The following CFAP54 variants were observed in gnomAD, a reference collection of about 807,000 sequenced individuals.
The protein encoded by CFAP54 is cilia- and flagella-associated protein 54.
CFAP54 carries 290 observed loss-of-function variants against 370.4 expected under a neutral mutation model. The ratio of observed to expected loss-of-function variants is 0.78; its 90% CI spans 0.71 to 0.86. The LOEUF (loss-of-function observed/expected upper bound fraction) is 0.86, where lower values mean the gene tolerates loss of function less well. Ranked by LOEUF, CFAP54 falls within the 40% of genes least tolerant of loss-of-function variation. CFAP54 has a pLI of 0.00. For synonymous variants in CFAP54, 1,206 were observed against 1,236.5 expected (o/e 0.98, Z 0.52); for missense variants, 3,399 against 3,528.7 (o/e 0.96, Z 0.93).
At chr12:96,521,736 C>T in intron 6 of CFAP54, 121 bp from the exon 7 acceptor site, 2 of 656,880 alleles carry the variant, frequency 3.0e-6, no homozygotes, top group South Asian at 2.4e-5. Context: ...AAGGAGTCAG[C>T]ATTAACCTAG....
chr12:96,617,732 C>A (rs1158719799), intron 26 of CFAP54, among the ~76,000 whole-genome samples: 1 of 152,130 alleles, frequency 6.6e-6, no homozygotes, highest in Non-Finnish European at 1.5e-5. Flanking sequence ...TGGCTCACGC[C>A]TGTAATCCCA....
At chr12:96,657,776 A>T (rs1956938820) in intron 36 of CFAP54, 106 bp from the exon 37 acceptor site, 6 of 817,484 alleles carry the variant, frequency 7.3e-6, no homozygotes, top group Admixed American at 7.2e-5. Context: ...TTTTCTTTTC[A>T]GTTGAGTTCT....
intron 63 of CFAP54, among the ~76,000 whole-genome samples, chr12:96,797,819 C>T (rs1434801729): frequency 6.6e-6 from 1 of 151,892 alleles, no homozygotes; most frequent in Non-Finnish European, 1.5e-5. Context: ...AACAATATTA[C>T]CTTCTGACTG....
chr12:96,826,912 TTA>T (rs560931897), intron 65 of CFAP54, among the ~76,000 whole-genome samples: 1 of 128,912 alleles, frequency 7.8e-6, no homozygotes, highest in Admixed American at 9.3e-5. Flanking sequence ...ATATATGCAA[TTA>T]TATATGATTA....
intron 14 of CFAP54, among the ~76,000 whole-genome samples, chr12:96,546,253 C>T (rs1340088767): frequency 3.3e-5 from 5 of 152,116 alleles, no homozygotes; most frequent in African/African-American, 1.2e-4. Context: ...AGCTGGTGTC[C>T]ACCGCAGAAT....
chr12:96,544,792 C>T (rs1278441356), intron 14 of CFAP54, among the ~76,000 whole-genome samples: 1 of 152,092 alleles, frequency 6.6e-6, no homozygotes, highest in African/African-American at 2.4e-5. Flanking sequence ...AGTGCAAAGT[C>T]TAGGGGCTGC....
intron 12 of CFAP54, among the ~76,000 whole-genome samples, chr12:96,537,300 A>C (rs1472965392): frequency 6.6e-6 from 1 of 151,738 alleles, no homozygotes; most frequent in South Asian, 2.1e-4. Context: ...CCAACTCCCC[A>C]TTGCTTCTCT....
At chr12:96,539,566 T>A (rs1955548049) in intron 13 of CFAP54, among the ~76,000 whole-genome samples, 1 of 151,938 alleles carries the variant, frequency 6.6e-6, no homozygotes, top group East Asian at 2.0e-4. Context: ...TCCCAGCTAC[T>A]CAGTAGGCTG....
chr12:96,850,299 G>A (rs1959502197), intron 66 of CFAP54, among the ~76,000 whole-genome samples: 1 of 150,942 alleles, frequency 6.6e-6, no homozygotes, highest in East Asian at 1.9e-4. Flanking sequence ...GTTGCAGTGA[G>A]AGATCACACC....
intron 26 of CFAP54, among the ~76,000 whole-genome samples, chr12:96,619,053 A>G (rs1592887881): frequency 6.6e-6 from 1 of 152,146 alleles, no homozygotes; most frequent in Non-Finnish European, 1.5e-5. Flanking sequence ...TTGTAGAGAC[A>G]GGGTTTTGCC....
rs200689844 is a variant in CFAP54, at chr12:96,623,839, C to T, written c.3844C>T (p.Leu1282=). 35 of 1,535,584 alleles carry T rather than the reference C, an allele frequency of 2.3e-5. No individual in the cohort carries two copies. The East Asian group carries it at 8.1e-4, about 35-fold the overall frequency. ...ILLPEKINEQ[L]ALLETHLLKL... ...ACTGCCTGAAAAGATAAATGAACAG[C>T]TGGCCTTGTTGGAGACACACCTACT... The change falls in exon 28 of 68, where the codon CTG becomes TTG. Residue 1282 remains leucine, a synonymous_variant. Coordinates refer to ENST00000524981, the MANE Select transcript of CFAP54 (RefSeq NM_001306084.2).
intron 60 of CFAP54, among the ~76,000 whole-genome samples, chr12:96,782,142 C>T (rs749687255): frequency 6.6e-6 from 1 of 151,844 alleles, no homozygotes; most frequent in Non-Finnish European, 1.5e-5. Context: ...ATTCAACAAC[C>T]ATTTATGATT....
chr12:96,687,494 T>C (rs1052410550), intron 42 of CFAP54, among the ~76,000 whole-genome samples: 7 of 152,198 alleles, frequency 4.6e-5, no homozygotes, highest in African/African-American at 1.7e-4. Flanking sequence ...ATCTCTCCAG[T>C]TACAGTTACC....
chr12:96,806,776 G>A, intron 63 of CFAP54, among the ~76,000 whole-genome samples: 1 of 152,156 alleles, frequency 6.6e-6, no homozygotes, highest in Non-Finnish European at 1.5e-5. Context: ...TGATCCTTCA[G>A]ATGGGGCCCA....
In CFAP54 at chr12:96,766,363, G is replaced by A. The variant is rs1405410630; in HGVS notation, c.8281+1145G>A. Among the ~76,000 whole-genome samples the A allele has an allele frequency of 2.6e-5, 4 of 151,998 alleles. No homozygotes were observed. The East Asian group carries it at 7.7e-4, about 29-fold the overall frequency. ...AGCCTGAACATCAGACTGGGTGCTT[G>A]CTCTTCTTTAAGGTTCCCATAGGTG... On this transcript the variant is annotated intron_variant, in intron 60 of 67. Coordinates refer to ENST00000524981, the MANE Select transcript of CFAP54 (RefSeq NM_001306084.2).
intron 49 of CFAP54, 138 bp downstream of exon 49, chr12:96,718,660 C>T: frequency 1.7e-6 from 1 of 574,126 alleles, no homozygotes; most frequent in Non-Finnish European, 3.1e-6. Context: ...GGGTTGGAGC[C>T]AGAGGTGGAG....
At chr12:96,695,803 T>G (rs1957434927) in intron 45 of CFAP54, among the ~76,000 whole-genome samples, 2 of 152,226 alleles carry the variant, frequency 1.3e-5, no homozygotes, top group South Asian at 4.1e-4. Flanking sequence ...AGATATTTAT[T>G]GATGTAACTC....
At chr12:96,586,581 C>T (rs1273754480) in intron 22 of CFAP54, among the ~76,000 whole-genome samples, 1 of 151,976 alleles carries the variant, frequency 6.6e-6, no homozygotes, top group East Asian at 1.9e-4. Context: ...AGAGCAAAAG[C>T]CCTAAGGTTT....
chr12:96,576,511 C>A, intron 19 of CFAP54, 74 bp from the exon 20 acceptor site: 1 of 1,110,938 alleles, frequency 9.0e-7, no homozygotes, highest in Non-Finnish European at 1.2e-6. Context: ...TGTTTAACAT[C>A]ACTAGAATTC....
Sources: gnomAD v4.1 joint callset for allele counts (sites outside exome capture counted in the v4.1 genomes callset) on GRCh38, gnomAD v4.1.1 for gene constraint, MANE v1.5 for transcripts, NCBI Gene and HGNC (gene_info 2026-07-23, HGNC 2026-07-21) for gene names.